OSBPL10: variants seen among roughly 807,000 people sequenced by gnomAD.
OSBPL10 encodes the protein oxysterol binding protein like 10.
OSBPL10 carries 49 observed loss-of-function variants against 81.7 expected under a neutral mutation model. That is an observed-to-expected ratio of 0.60 (90% CI 0.48 to 0.76). The LOEUF is 0.76. Ranked by LOEUF, OSBPL10 falls within the 30% of genes least tolerant of loss-of-function variation. The pLI is 0.00. For synonymous variants in OSBPL10, 419 were observed against 383.6 expected (o/e 1.09, Z -1.08); for missense variants, 923 against 987.8 (o/e 0.93, Z 0.88).
At chr3:31,699,813 C>T (rs962767737) in intron 7 of OSBPL10, among the ~76,000 whole-genome samples, 9 of 152,156 alleles carry the variant, frequency 5.9e-5, no homozygotes, top group African/African-American at 1.2e-4. Context: ...CTCAGGGACA[C>T]GGAAGTGTAC....
intron 5 of OSBPL10, among the ~76,000 whole-genome samples, chr3:31,745,155 G>T (rs1333676086): frequency 6.6e-6 from 1 of 152,222 alleles, no homozygotes; most frequent in South Asian, 2.1e-4. Flanking sequence ...GTGAATACAC[G>T]CAAATCTCCT....
At chr3:31,992,648 C>G (rs1352701377) in intron 2 of OSBPL10, among the ~76,000 whole-genome samples, 1 of 152,128 alleles carries the variant, frequency 6.6e-6, no homozygotes, top group Admixed American at 6.5e-5. Context: ...ATTGAGCACA[C>G]CTGGATGATC....
At chr3:31,676,395 C>CA (rs1453648481) in intron 8 of OSBPL10, among the ~76,000 whole-genome samples, 234 of 140,872 alleles carry the variant, frequency 1.7e-3, no homozygotes, top group South Asian at 4.0e-3. Flanking sequence ...TAAGAGAAGC[C>CA]AAAAAAAAAA....
At chr3:31,884,082 A>G (rs1695666964) in intron 1 of OSBPL10, among the ~76,000 whole-genome samples, 1 of 152,358 alleles carries the variant, frequency 6.6e-6, no homozygotes, top group African/African-American at 2.4e-5. Flanking sequence ...TGAAGAGGAC[A>G]TTATTTAGGA....
intron 1 of OSBPL10, among the ~76,000 whole-genome samples, chr3:32,057,460 T>C (rs1395527074): frequency 6.6e-6 from 1 of 152,138 alleles, no homozygotes; most frequent in African/African-American, 2.4e-5. Context: ...GGAAAGAGGT[T>C]TAATTGACTC....
At chr3:31,882,081 T>C (rs983128138) in intron 1 of OSBPL10, among the ~76,000 whole-genome samples, 1 of 152,198 alleles carries the variant, frequency 6.6e-6, no homozygotes, top group Non-Finnish European at 1.5e-5. Flanking sequence ...ATAATGAAGC[T>C]GAAAGCTCCT....
intron 2 of OSBPL10, among the ~76,000 whole-genome samples, chr3:32,003,918 C>T (rs1442675672): frequency 1.3e-5 from 2 of 152,154 alleles, no homozygotes; most frequent in African/African-American, 4.8e-5. Context: ...CTCTTTTGGA[C>T]TTGTTCACCC....
At chr3:31,712,514 T>C (rs1423419671) in intron 6 of OSBPL10, among the ~76,000 whole-genome samples, 1 of 152,160 alleles carries the variant, frequency 6.6e-6, no homozygotes, top group African/African-American at 2.4e-5. Flanking sequence ...GGAAGAGGAA[T>C]ATAGATGCAA....
intron 6 of OSBPL10, among the ~76,000 whole-genome samples, chr3:31,730,917 G>C (rs759033404): frequency 1.9e-4 from 29 of 152,152 alleles, no homozygotes; most frequent in Non-Finnish European, 4.4e-5. Context: ...GTTTCCCAAT[G>C]ATCACTCACA....
At chr3:31,878,627 C>T (rs1701539945) in intron 2 of OSBPL10, among the ~76,000 whole-genome samples, 2 of 152,124 alleles carry the variant, frequency 1.3e-5, no homozygotes, top group Non-Finnish European at 2.9e-5. Flanking sequence ...TGTAGTCCCT[C>T]AGTCTGACTT....
At chr3:31,748,805 A>G (rs1277976153) in intron 4 of OSBPL10, among the ~76,000 whole-genome samples, 1 of 152,272 alleles carries the variant, frequency 6.6e-6, no homozygotes, top group East Asian at 1.9e-4. Flanking sequence ...TAAGCTTATC[A>G]TAACAACAAA....
chr3:31,728,868 T>C (rs1239753028), intron 6 of OSBPL10, among the ~76,000 whole-genome samples: 3 of 152,278 alleles, frequency 2.0e-5, no homozygotes, highest in African/African-American at 7.2e-5. Flanking sequence ...TTTTTGGAAG[T>C]TGGAAGTTTT....
intron 2 of OSBPL10, among the ~76,000 whole-genome samples, chr3:31,877,051 C>G (rs1192869631): frequency 6.6e-6 from 1 of 152,010 alleles, no homozygotes; most frequent in East Asian, 1.9e-4. Context: ...CTACAGGCAC[C>G]CGCTACCATG....
At chr3:31,678,815 T>C (rs1174058831) in intron 8 of OSBPL10, among the ~76,000 whole-genome samples, 1 of 150,136 alleles carries the variant, frequency 6.7e-6, no homozygotes, top group African/African-American at 2.5e-5. Context: ...TGTGTGTGTG[T>C]GTGTGTGTGT....
At chr3:31,999,684 T>C (rs879923080) in intron 2 of OSBPL10, among the ~76,000 whole-genome samples, 1 of 152,148 alleles carries the variant, frequency 6.6e-6, no homozygotes, top group African/African-American at 2.4e-5. Flanking sequence ...TAAAAATTCT[T>C]TGCCATTCAT....
At chr3:31,913,177 T>C (rs1575612298) in intron 1 of OSBPL10, among the ~76,000 whole-genome samples, 1 of 152,090 alleles carries the variant, frequency 6.6e-6, no homozygotes, top group South Asian at 2.1e-4. Context: ...GGAGACCCTG[T>C]AGGCTTTTGT....
rs116079445 is a variant in OSBPL10 at position 31,670,421 on chromosome 3, G to A, written c.1913+376C>T. Among the ~76,000 whole-genome samples the A allele has an allele frequency of 6.3e-3, 965 of 152,308 alleles. 13 individuals carry two copies. The highest frequency in any genetic ancestry group is 0.021 in the African/African-American group (879 of 41,570). On this transcript the variant is annotated intron_variant, in intron 9 of 11. Transcript: ENST00000396556. Reference sequence around the variant, plus strand: ...TCATGGATGCATGACACAGAATTGAGGATAGTGTAGCCAGCTAATGTGAAA... The same window carrying A: ...TCATGGATGCATGACACAGAATTGAAGATAGTGTAGCCAGCTAATGTGAAA...
chr3:31,988,426 G>A (rs1698973179), intron 2 of OSBPL10, among the ~76,000 whole-genome samples: 1 of 152,086 alleles, frequency 6.6e-6, no homozygotes, highest in African/African-American at 2.4e-5. Context: ...TGGCCAGAGG[G>A]TAGACTGTAG....
intron 6 of OSBPL10, among the ~76,000 whole-genome samples, chr3:31,731,276 C>T (rs1696963087): frequency 6.6e-6 from 1 of 152,038 alleles, no homozygotes; most frequent in Admixed American, 6.6e-5. Context: ...CAGAAAACCA[C>T]CAAAACACCA....
Sources: gnomAD v4.1 joint callset for allele counts (sites outside exome capture counted in the v4.1 genomes callset) on GRCh38, gnomAD v4.1.1 for gene constraint, MANE v1.5 for transcripts, NCBI Gene and HGNC (gene_info 2026-07-23, HGNC 2026-07-21) for gene names.